Variants in ZNF385D observed in about 807,000 individuals in gnomAD.
ZNF385D encodes zinc finger protein 659.
ZNF385D carries 15 observed loss-of-function variants against 35.8 expected under a neutral mutation model. That is an observed-to-expected ratio of 0.42 (90% CI 0.28 to 0.64). The LOEUF is 0.64. Among genes scored for constraint, ZNF385D ranks in the 30% least tolerant of loss-of-function variants. The probability of loss-of-function intolerance (pLI) is 0.23; values close to 1 mark genes in which losing one functional copy is unlikely to be tolerated. For synonymous variants in ZNF385D, 212 were observed against 186.8 expected (o/e 1.13, Z -1.10); for missense variants, 474 against 494.6 (o/e 0.96, Z 0.39).
At chr3:22,010,400 T>G (rs1696499393) in intron 3 of ZNF385D, among the ~76,000 whole-genome samples, 1 of 152,184 alleles carries the variant, frequency 6.6e-6, no homozygotes, top group Admixed American at 6.5e-5. Flanking sequence ...GAAACAAATA[T>G]TATCTCCAGG....
At chr3:21,967,739 A>G (rs1234167995) in intron 3 of ZNF385D, among the ~76,000 whole-genome samples, 1 of 152,226 alleles carries the variant, frequency 6.6e-6, no homozygotes. Flanking sequence ...CTGCCAAGGC[A>G]TTTAGGACTT....
chr3:22,116,444 A>G lies in ZNF385D; in HGVS notation c.325+52373T>C, dbSNP rs552118183. Among the ~76,000 whole-genome samples the G allele has an allele frequency of 9.2e-5, 14 of 152,190 alleles. No individual in the cohort carries two copies. In the South Asian group the frequency reaches 2.7e-3, roughly 29 times the overall value. On this transcript the variant is annotated intron_variant, in intron 3 of 5. Coordinates refer to the ZNF385D transcript ENST00000494108. ...TGCATGAATGAATGCATTCTGTAAC[A>G]TTCTCTAAAGGAAAGAAGGAATTTA...
intron 1 of ZNF385D, among the ~76,000 whole-genome samples, chr3:21,707,389 C>T (rs992729238): frequency 6.6e-6 from 1 of 152,040 alleles, no homozygotes; most frequent in Non-Finnish European, 1.5e-5. Context: ...CAGTAAGCAC[C>T]GTTTAACTTT....
intron 3 of ZNF385D, among the ~76,000 whole-genome samples, chr3:22,001,440 A>G (rs1019155537): frequency 6.6e-6 from 1 of 152,156 alleles, no homozygotes; most frequent in South Asian, 2.1e-4. Flanking sequence ...AGATATAACA[A>G]TTGTAAATAT....
At chr3:21,942,344 G>T (rs1005741236) in intron 3 of ZNF385D, among the ~76,000 whole-genome samples, 15 of 152,058 alleles carry the variant, frequency 9.9e-5, no homozygotes, top group African/African-American at 3.1e-4. Context: ...GGCTCTTTTG[G>T]ATTATAATCC....
At chr3:22,025,172 G>C (rs1697461305) in intron 3 of ZNF385D, among the ~76,000 whole-genome samples, 1 of 152,118 alleles carries the variant, frequency 6.6e-6, no homozygotes, top group Non-Finnish European at 1.5e-5. Context: ...CCCATCCCCA[G>C]TAGTGGCAAC....
At chr3:22,000,470 C>A (rs13081905) in intron 3 of ZNF385D, among the ~76,000 whole-genome samples, 4 of 151,932 alleles carry the variant, frequency 2.6e-5, no homozygotes, top group African/African-American at 9.7e-5. Flanking sequence ...ATGAATAATC[C>A]GCCCCTTGTT....
At chr3:22,175,530 GATTTAA>G (rs1376898472) in intron 2 of ZNF385D, among the ~76,000 whole-genome samples, 2 of 151,970 alleles carry the variant, frequency 1.3e-5, no homozygotes, top group African/African-American at 2.4e-5. Flanking sequence ...GCCCATGCAG[GATTTAA>G]GTTAAATTGC....
intron 5 of ZNF385D, among the ~76,000 whole-genome samples, chr3:21,426,376 A>G (rs1285983262): frequency 6.6e-6 from 1 of 152,198 alleles, no homozygotes; most frequent in African/African-American, 2.4e-5. Context: ...TTTAATAAAC[A>G]AATAACATCT....
chr3:22,208,466 G>A (rs1409119184), intron 2 of ZNF385D, among the ~76,000 whole-genome samples: 3 of 151,694 alleles, frequency 2.0e-5, no homozygotes, highest in African/African-American at 7.3e-5. Flanking sequence ...TAGATGGGTG[G>A]GGGGTTAACC....
At chr3:21,951,138 G>A (rs947857869) in intron 3 of ZNF385D, among the ~76,000 whole-genome samples, 1 of 151,746 alleles carries the variant, frequency 6.6e-6, no homozygotes, top group Non-Finnish European at 1.5e-5. Flanking sequence ...ACTTTGGGCA[G>A]TATGGCCATT....
intron 2 of ZNF385D, among the ~76,000 whole-genome samples, chr3:21,654,791 T>C (rs2066024159): frequency 6.6e-6 from 1 of 152,090 alleles, no homozygotes; most frequent in African/African-American, 2.4e-5. Context: ...ATGCTCACTC[T>C]CAATTTCCAT....
intron 3 of ZNF385D, among the ~76,000 whole-genome samples, chr3:21,785,291 A>T (rs2125645499): frequency 6.6e-6 from 1 of 152,278 alleles, no homozygotes; most frequent in South Asian, 2.1e-4. Flanking sequence ...TCATAACTTG[A>T]TGATTTCATA....
intron 3 of ZNF385D, among the ~76,000 whole-genome samples, chr3:21,949,845 C>A (rs13066816): frequency 0.26 from 39,367 of 151,828 alleles, 5,812 homozygotes; most frequent in Admixed American, 0.41. Flanking sequence ...CTGAGAATGA[C>A]CATTTCCAGC....
At chr3:21,555,122 T>G (rs2062687343) in intron 3 of ZNF385D, among the ~76,000 whole-genome samples, 2 of 152,308 alleles carry the variant, frequency 1.3e-5, no homozygotes, top group South Asian at 4.1e-4. Context: ...TTTTGACATG[T>G]TTTCCTCACT....
chr3:21,716,212 T>G (rs1208232195), intron 1 of ZNF385D, among the ~76,000 whole-genome samples: 1 of 152,022 alleles, frequency 6.6e-6, no homozygotes, highest in Non-Finnish European at 1.5e-5. Context: ...CTAGTTTCCT[T>G]GTTTCTTCCC....
At chr3:21,573,942 C>G (rs891999985) in intron 2 of ZNF385D, among the ~76,000 whole-genome samples, 2 of 151,696 alleles carry the variant, frequency 1.3e-5, no homozygotes, top group Non-Finnish European at 2.9e-5. Context: ...CGCTTGTAAT[C>G]CCAGGTACTT....
At chr3:21,933,605 T>C (rs1028004697) in intron 3 of ZNF385D, among the ~76,000 whole-genome samples, 3 of 152,314 alleles carry the variant, frequency 2.0e-5, no homozygotes, top group South Asian at 2.1e-4. Flanking sequence ...AGCAAAAATA[T>C]AGCATTACTT....
Position 21,415,152 on chromosome 3 carries a change from TAGTG to T in ZNF385D, c.*6058_*6061del, listed in dbSNP as rs1700544266. Reference sequence around the variant, plus strand: ...ATAGATTTATGTTGAACAATCCTATTAGTGAGAGACTTTAAAAATAATATTTGTT... The same window carrying T: ...ATAGATTTATGTTGAACAATCCTATTAGAGACTTTAAAAATAATATTTGTT... On this transcript the variant is annotated 3_prime_UTR_variant, in exon 8 of 8. Coordinates refer to ENST00000281523, the MANE Select transcript of ZNF385D (RefSeq NM_024697.3). The T allele has an allele frequency of 1.3e-5, 2 of 152,256 alleles. No individual in the cohort carries two copies. 9.4% of individuals were successfully genotyped at this position (152,256 alleles called of 1,614,324 possible).
Sources: gnomAD v4.1 joint callset for allele counts (sites outside exome capture counted in the v4.1 genomes callset) on GRCh38, gnomAD v4.1.1 for gene constraint, MANE v1.5 for transcripts, NCBI Gene and HGNC (gene_info 2026-07-23, HGNC 2026-07-21) for gene names.